Variants in FYCO1 observed in about 807,000 individuals in gnomAD.
FYCO1 encodes FYVE and coiled-coil domain-containing protein 1.
FYCO1 carries 122 observed loss-of-function variants against 165.1 expected under a neutral mutation model. The ratio of observed to expected loss-of-function variants is 0.74; its 90% confidence interval spans 0.64 to 0.86. The LOEUF is 0.86. Among genes scored for constraint, FYCO1 ranks in the 40% least tolerant of loss-of-function variants. The pLI, the probability that FYCO1 is intolerant of heterozygous loss-of-function variation, is 0.00. For synonymous variants in FYCO1, 648 were observed against 742.5 expected, an observed-to-expected ratio of 0.87 and a Z score of 2.07; for missense variants, 1,702 against 1,810.3, an observed-to-expected ratio of 0.94 and a Z score of 1.09.
At chr3:45,951,403 T>C (rs1705015352) in intron 14 of FYCO1, among the ~76,000 whole-genome samples, 1 of 152,164 alleles carries the variant, frequency 6.6e-6, no homozygotes. Context: ...TATGTTTGGT[T>C]CTGGAGCTCA....
At chr3:45,938,304 G>C (rs1275950744) in intron 14 of FYCO1, 2 of 1,144,552 alleles carry the variant, frequency 1.7e-6, no homozygotes, top group African/African-American at 3.2e-5. Flanking sequence ...CAGTCTCAAA[G>C]GTGACAATTA....
intron 14 of FYCO1, among the ~76,000 whole-genome samples, chr3:45,950,788 A>G (rs1704964676): frequency 6.6e-6 from 1 of 152,228 alleles, no homozygotes; most frequent in Non-Finnish European, 1.5e-5. Context: ...GGCTCCAAGA[A>G]GGTTTCCTGC....
At chr3:45,955,090 C>T (rs993837709) in intron 14 of FYCO1, among the ~76,000 whole-genome samples, 159 bp downstream of exon 14, 5 of 152,154 alleles carry the variant, frequency 3.3e-5, no homozygotes, top group East Asian at 1.9e-4. Flanking sequence ...GACAACTTCC[C>T]GAGCGCCGAT....
intron 16 of FYCO1, among the ~76,000 whole-genome samples, chr3:45,928,754 T>TC (rs1300961093): frequency 2.0e-5 from 3 of 152,122 alleles, no homozygotes; most frequent in Admixed American, 6.5e-5. Context: ...TAGGCATCCT[T>TC]CCCAGGGGTA....
chr3:45,973,731 G>A (rs945351643), intron 5 of FYCO1, among the ~76,000 whole-genome samples: 25 of 152,170 alleles, frequency 1.6e-4, no homozygotes, highest in African/African-American at 6.0e-4. Context: ...TTGAGGTAGT[G>A]GTTGTTTCAT....
At chr3:45,930,274 C>T (rs1703527299) in intron 16 of FYCO1, among the ~76,000 whole-genome samples, 1 of 152,206 alleles carries the variant, frequency 6.6e-6, no homozygotes, top group African/African-American at 2.4e-5. Context: ...CCCTCTACAC[C>T]CTTTCTCTGC....
chr3:45,933,171 A>G (rs189813252), intron 15 of FYCO1, among the ~76,000 whole-genome samples: 6 of 152,302 alleles, frequency 3.9e-5, no homozygotes, highest in Admixed American at 1.3e-4. Flanking sequence ...TAAGATGCCT[A>G]TTGTCTATAA....
In FYCO1 at chr3:45,967,786, C is replaced by G; in HGVS notation, c.1548G>C (p.Gln516His). 1 of 1,613,942 alleles carries G rather than the reference C, an allele frequency of 6.2e-7. No homozygotes were observed. Among genetic ancestry groups the G allele is most frequent in the Non-Finnish European group, 8.5e-7 (1 of 1,180,044 alleles). The change falls in exon 8 of 18, where the codon CAG becomes CAC. Residue 516 changes from glutamine to histidine, a missense_variant. Physicochemically the swap from Gln to His is conservative, Grantham distance 24. Coordinates refer to ENST00000296137, the MANE Select transcript of FYCO1 (RefSeq NM_024513.4). ...CCTGTGCCAGCTGGGTCTCCAGGAA[C>G]TGCAGCTGCCGGGTCAGAGACCTGA... ...QEVRSLTRQL[Q>H]FLETQLAQVS... is the part of the protein sequence containing the mutation.
Position 45,931,236 on chromosome 3 carries a change from C to G in FYCO1, c.4086G>C (p.Glu1362Asp), listed in dbSNP as rs137986696. 4 of 1,613,970 alleles carry G rather than the reference C, an allele frequency of 2.5e-6. No individual in the cohort carries two copies. In the East Asian group the frequency reaches 8.9e-5, roughly 36 times the overall value. ...ACCTCACAAACAGCTCCCTGCTACC[C>G]TCCCCGAAGCTGGCGATCTCATCCA... is the stretch of plus-strand genomic sequence containing the variant. ...LTVDEIASFG[E>D]GSRELFVRSS... Residue 1362 changes from glutamate (E) to aspartate (D), a missense_variant, in exon 16 of 18, where the codon GAG (glutamate) becomes GAC (aspartate). Physicochemically the swap from Glu to Asp is conservative, Grantham distance 45 (BLOSUM62 2). Transcript: ENST00000296137.
chr3:45,951,013 C>T (rs1704983660), intron 14 of FYCO1, among the ~76,000 whole-genome samples: 1 of 152,212 alleles, frequency 6.6e-6, no homozygotes, highest in African/African-American at 2.4e-5. Context: ...AGTTCTGAAG[C>T]AATTACTGGT....
intron 14 of FYCO1, among the ~76,000 whole-genome samples, chr3:45,950,692 T>A (rs1364508643): frequency 6.6e-6 from 1 of 152,112 alleles, no homozygotes; most frequent in East Asian, 1.9e-4. Context: ...GAAAACTAGT[T>A]CAGAGAGATT....
chr3:45,950,397 C>T (rs1466639748), intron 14 of FYCO1, among the ~76,000 whole-genome samples: 1 of 152,140 alleles, frequency 6.6e-6, no homozygotes, highest in Non-Finnish European at 1.5e-5. Context: ...ATGACACTGA[C>T]TCTAGGGGCT....
intron 14 of FYCO1, among the ~76,000 whole-genome samples, chr3:45,951,748 C>T (rs1389983387): frequency 6.6e-6 from 1 of 152,174 alleles, no homozygotes; most frequent in Admixed American, 6.5e-5. Context: ...TGCTCTGCAC[C>T]ACCATTCTAG....
At chr3:45,991,443 T>C (rs1186820051) in intron 1 of FYCO1, among the ~76,000 whole-genome samples, 2 of 152,174 alleles carry the variant, frequency 1.3e-5, no homozygotes, top group African/African-American at 2.4e-5. Context: ...GATAGGCCCA[T>C]CTTCTTGTCC....
chr3:45,980,547 T>C (rs1475978620), intron 3 of FYCO1, among the ~76,000 whole-genome samples: 1 of 151,974 alleles, frequency 6.6e-6, no homozygotes, highest in East Asian at 1.9e-4. Flanking sequence ...AAAACCAAAA[T>C]GGGCTTAATT....
intron 8 of FYCO1, among the ~76,000 whole-genome samples, chr3:45,965,754 C>T (rs544811905): frequency 1.1e-3 from 162 of 152,298 alleles, no homozygotes; most frequent in Admixed American, 2.7e-3. Flanking sequence ...AACTGCTGGC[C>T]CTCTGCAGGG....
rs1703105796 is a variant in FYCO1, at chr3:45,921,814, T to C, written c.4388A>G (p.His1463Arg). The C allele has an allele frequency of 6.2e-7, 1 of 1,612,582 alleles. No homozygotes were observed. The highest frequency in any genetic ancestry group is 1.1e-5 in the South Asian group (1 of 91,048). The change falls in exon 18 of 18, where the codon CAC becomes CGC. Residue 1463 changes from histidine to arginine, a missense_variant. Transcript: ENST00000296137. Reference sequence around the variant, plus strand: ...GATCACAGGCCGATCAACCGTCAAGTGATAAAATACCTTTTTAGAGACAAA... The same window carrying C: ...GATCACAGGCCGATCAACCGTCAAGCGATAAAATACCTTTTTAGAGACAAA... ...SRFVSKKVFY[H>R]LTVDRPVIYD...
intron 13 of FYCO1, among the ~76,000 whole-genome samples, chr3:45,957,327 T>C (rs923993033): frequency 6.6e-6 from 1 of 152,222 alleles, no homozygotes; most frequent in Non-Finnish European, 1.5e-5. Context: ...GGTCTGTGAG[T>C]CCTTGGGCTA....
At chr3:45,940,995 G>C (rs1704195486) in intron 14 of FYCO1, 1 of 152,164 alleles carries the variant, frequency 6.6e-6, no homozygotes, top group Non-Finnish European at 1.5e-5. Flanking sequence ...TGTTCCTCCA[G>C]AACAATTCCT....
Sources: allele counts gnomAD v4.1 joint callset (sites outside exome capture counted in the v4.1 genomes callset), GRCh38; gene constraint gnomAD v4.1.1; transcripts MANE v1.5; gene names NCBI Gene and HGNC (gene_info 2026-07-23, HGNC 2026-07-21).